Variants in DMXL2 observed in about 807,000 individuals in gnomAD.
DMXL2 encodes the protein dmX-like protein 2.
In DMXL2, 103 loss-of-function variants were observed where a neutral mutation model predicts 331.1. That is an observed-to-expected ratio of 0.31 (90% confidence interval 0.27 to 0.37). DMXL2 has a LOEUF of 0.37. Among genes scored for constraint, DMXL2 ranks in the 10% least tolerant of loss-of-function variants. The pLI is 1.00. For missense variants in DMXL2, 3,171 were observed against 3,642.9 expected (o/e 0.87, Z 3.33); for synonymous variants, 1,281 against 1,252.1 (o/e 1.02, Z -0.49).
chr15:51,500,261 G>T (rs752071828), intron 17 of DMXL2, 30 bp from the exon 18 acceptor site: 4 of 1,543,808 alleles, frequency 2.6e-6, no homozygotes, highest in Non-Finnish European at 2.6e-6. Flanking sequence ...ATAGTTAGTT[G>T]TAATAATAAT....
intron 13 of DMXL2, among the ~76,000 whole-genome samples, chr15:51,521,488 A>G (rs2047379483): frequency 6.6e-6 from 1 of 150,982 alleles, no homozygotes; most frequent in South Asian, 2.1e-4. Context: ...TAGTAGTAGT[A>G]GCAGCATTTT....
chr15:51,608,011 C>A (rs2053706158), intron 1 of DMXL2, among the ~76,000 whole-genome samples: 1 of 151,860 alleles, frequency 6.6e-6, no homozygotes, highest in Admixed American at 6.6e-5. Flanking sequence ...CATGGTGAAA[C>A]CCTTCTCTCC....
chr15:51,456,756 TC>T (rs1163271129), intron 37 of DMXL2, among the ~76,000 whole-genome samples: 1 of 152,220 alleles, frequency 6.6e-6, no homozygotes, highest in Non-Finnish European at 1.5e-5. Context: ...AGACATGAAT[TC>T]CCCTTTAACT....
intron 6 of DMXL2, among the ~76,000 whole-genome samples, chr15:51,562,734 A>G (rs1596269231): frequency 6.6e-6 from 1 of 152,348 alleles, no homozygotes; most frequent in South Asian, 2.1e-4. Context: ...TCTTAATAAC[A>G]TAAACAATAA....
intron 27 of DMXL2, 128 bp downstream of exon 27, chr15:51,476,461 C>T (rs772285883): frequency 5.5e-6 from 6 of 1,095,296 alleles, no homozygotes; most frequent in African/African-American, 1.6e-5. Context: ...AGAAAAACAT[C>T]ATCAAAAAAC....
At chr15:51,465,727 A>G (rs1435122769) in intron 30 of DMXL2, 76 bp from the exon 31 acceptor site, 1 of 1,090,242 alleles carries the variant, frequency 9.2e-7, no homozygotes. Flanking sequence ...GTTCCCTGCC[A>G]ACTGTTTAGC....
chr15:51,549,546 T>C (rs77130904), intron 6 of DMXL2, among the ~76,000 whole-genome samples: 6,688 of 152,224 alleles, frequency 0.044, 396 homozygotes, highest in African/African-American at 0.14. Context: ...GAGTTTTCCA[T>C]AGTGGTTGTA....
chr15:51,452,059 C>A (rs2039195479), intron 41 of DMXL2, among the ~76,000 whole-genome samples: 1 of 152,144 alleles, frequency 6.6e-6, no homozygotes, highest in Non-Finnish European at 1.5e-5. Context: ...CATGTGAGGT[C>A]AAAATAAATG....
intron 28 of DMXL2, 129 bp downstream of exon 28, chr15:51,474,214 TC>T (rs2041372596): frequency 1.1e-5 from 9 of 790,058 alleles, no homozygotes; most frequent in African/African-American, 1.7e-5. Flanking sequence ...TTATTTGCTG[TC>T]ATAACAAGAG....
At chr15:51,561,111 G>C (rs1207649748) in intron 6 of DMXL2, among the ~76,000 whole-genome samples, 1 of 152,098 alleles carries the variant, frequency 6.6e-6, no homozygotes, top group Non-Finnish European at 1.5e-5. Context: ...AGATGAATAA[G>C]TGGACAACAG....
chr15:51,589,225 A>C (rs538939164), intron 1 of DMXL2, among the ~76,000 whole-genome samples: 1 of 152,250 alleles, frequency 6.6e-6, no homozygotes, highest in Admixed American at 6.5e-5. Context: ...AAATAAGGCA[A>C]CTATTAAGAA....
intron 1 of DMXL2, among the ~76,000 whole-genome samples, chr15:51,607,252 C>G (rs976449737): frequency 6.6e-6 from 1 of 151,518 alleles, no homozygotes; most frequent in Non-Finnish European, 1.5e-5. Context: ...GTCAGGAAAT[C>G]AAGACCATCC....
rs779153243 is a variant in DMXL2 at position 51,456,110 on chromosome 15, T to G, written c.8482A>C (p.Asn2828His). The change falls in exon 39 of 44, where the codon AAT becomes CAT. Residue 2828 changes from asparagine (N) to histidine (H), a missense_variant. Around this residue, in one of 7 missense-constraint regions of DMXL2, gnomAD observed 766 missense variants for 940.5 expected, o/e 0.81. Coordinates refer to ENST00000560891, the MANE Select transcript of DMXL2 (RefSeq NM_001378457.1). ...AAATATAATCTAGTAACTCTTGCATTGCCAGCTTGACGAAAGCAGACAAGT... is the reference window on the plus strand; with the variant it reads ...AAATATAATCTAGTAACTCTTGCATGGCCAGCTTGACGAAAGCAGACAAGT... The part of the protein sequence containing the change: ...QQLVCFRQAG[N>H]ARVTRLYFNS... 1.2e-6 allele frequency: 2 copies of G among 1,614,236 alleles called. No homozygotes were observed. The highest frequency in any genetic ancestry group is 2.2e-5 in the East Asian group (1 of 44,880).
intron 6 of DMXL2, among the ~76,000 whole-genome samples, chr15:51,556,342 CA>C (rs1337118023): frequency 9.2e-4 from 43 of 46,570 alleles, no homozygotes; most frequent in African/African-American, 1.2e-3. Flanking sequence ...GACACTGTCT[CA>C]AAAAAAAAAA....
At chr15:51,455,568 T>A (rs567136157) in intron 39 of DMXL2, among the ~76,000 whole-genome samples, 37 of 152,182 alleles carry the variant, frequency 2.4e-4, no homozygotes, top group Admixed American at 9.2e-4. Context: ...TTTAAAAAAA[T>A]TTTTGTAGGG....
Position 51,568,282 on chromosome 15 carries a change from A to G in DMXL2, c.285+205T>C, listed in dbSNP as rs74016405. 2.7e-3 allele frequency: 1,225 copies of G among 454,774 alleles called. 20 individuals are homozygous for G. The highest frequency in any genetic ancestry group is 0.024 in the African/African-American group (1,134 of 48,242). 28.2% of individuals were successfully genotyped at this position (454,774 alleles called of 1,614,324 possible). ...GTTAACACAGTAAATGTCAATTTGCAATATTCTAGAGACTTGGGTTTCTAA... is the reference window on the plus strand; with the variant it reads ...GTTAACACAGTAAATGTCAATTTGCGATATTCTAGAGACTTGGGTTTCTAA... On this transcript the variant is annotated intron_variant, in intron 3 of 43. Transcript: ENST00000560891.
Position 51,547,289 on chromosome 15 carries a change from C to G in DMXL2, c.687G>C (p.Leu229Phe). 1 of 1,612,912 alleles carries G rather than the reference C, an allele frequency of 6.2e-7. No individual in the cohort carries two copies. Among genetic ancestry groups the G allele is most frequent in the South Asian group, 1.1e-5 (1 of 90,982 alleles). The part of the protein sequence containing the change: ...QSSTQFSFVY[L>F]AHPRAVTGFS... ...AACCTGTCACAGCTCGGGGATGTGC[C>G]AAGTAAACAAAAGAAAATTGAGTAG... Residue 229 changes from leucine to phenylalanine, a missense_variant, in exon 7 of 44, where the codon TTG becomes TTC. Transcript: ENST00000560891.
rs1029487149 is a variant in DMXL2 at position 51,538,499 on chromosome 15, A to C, written c.1106-47T>G. 2.1e-6 allele frequency: 3 copies of C among 1,437,246 alleles called. No homozygotes were observed. In the African/African-American group the frequency reaches 4.3e-5, roughly 21 times the overall value. The allele number at this position is 1,437,246 out of a possible 1,614,324, so 89.0% of individuals were successfully genotyped here. On this transcript the variant is annotated intron_variant, in intron 9 of 43. Coordinates refer to ENST00000560891, the MANE Select transcript of DMXL2 (RefSeq NM_001378457.1). ...CAATATAATTTTTTTTATTTCTTTAAAAACATGACAAGTGCTTACAATGAC... is the reference window on the plus strand; with the variant it reads ...CAATATAATTTTTTTTATTTCTTTACAAACATGACAAGTGCTTACAATGAC...
Position 51,451,541 on chromosome 15 carries a change from CAATA to C in DMXL2, c.8749+100_8749+103del. 3 of 893,320 alleles carry C rather than the reference CAATA, an allele frequency of 3.4e-6. No individual in the cohort carries two copies. In the South Asian group the frequency reaches 5.2e-5, roughly 15 times the overall value. 55.3% of individuals were successfully genotyped at this position (893,320 alleles called of 1,614,324 possible). A position where few individuals can be genotyped will look rare whatever the true frequency, so the allele number is the denominator to read the frequency against. On this transcript the variant is annotated intron_variant, in intron 42 of 43. Transcript: ENST00000560891. ...AAATATTTCTCCATTTTCAACCTGT[CAATA>C]AACACTCACTGGATTCACTAATTAA... is the stretch of plus-strand genomic sequence containing the variant.
Sources: gnomAD v4.1 joint callset for allele counts (sites outside exome capture counted in the v4.1 genomes callset) on GRCh38, gnomAD v4.1.1 for gene constraint, gnomAD v4.1.1 regional missense constraint, MANE v1.5 for transcripts, NCBI Gene and HGNC (gene_info 2026-07-23, HGNC 2026-07-21) for gene names.